GALNTL6: variants seen among roughly 807,000 people sequenced by gnomAD.
GALNTL6 encodes polypeptide N-acetylgalactosaminyltransferase-like 6.
In GALNTL6, 46 loss-of-function variants were observed where a neutral mutation model predicts 73.7. The observed-to-expected ratio is 0.62, with a 90% confidence interval of 0.49 to 0.80. The LOEUF (loss-of-function observed/expected upper bound fraction) is 0.80. Ranked by LOEUF, GALNTL6 falls within the 30% of genes least tolerant of loss-of-function variation. The pLI is 0.00. For missense variants in GALNTL6, 604 were observed against 755.0 expected (o/e 0.80, Z 2.34); for synonymous variants, 259 against 263.7 (o/e 0.98, Z 0.17).
At chr4:172,593,875 A>G (rs1473878691) in intron 5 of GALNTL6, among the ~76,000 whole-genome samples, 1 of 152,074 alleles carries the variant, frequency 6.6e-6, no homozygotes, top group Admixed American at 6.6e-5. Context: ...GATTATAGGC[A>G]TGTGCCACCA....
At chr4:171,916,330 T>A (rs1273713117) in intron 2 of GALNTL6, among the ~76,000 whole-genome samples, 3 of 152,168 alleles carry the variant, frequency 2.0e-5, no homozygotes, top group African/African-American at 7.2e-5. Flanking sequence ...GCTGCCATAT[T>A]TTTTGTTATA....
chr4:172,940,577 G>T (rs1226966578), intron 9 of GALNTL6, among the ~76,000 whole-genome samples: 1 of 151,700 alleles, frequency 6.6e-6, no homozygotes, highest in Non-Finnish European at 1.5e-5. Context: ...TGGCCAGGAT[G>T]GTCTCGATCT....
intron 10 of GALNTL6, among the ~76,000 whole-genome samples, chr4:172,961,387 G>C (rs1750048685): frequency 6.6e-6 from 1 of 152,064 alleles, no homozygotes; most frequent in Non-Finnish European, 1.5e-5. Context: ...CAGAGAAGGT[G>C]TAGAGACATG....
intron 7 of GALNTL6, among the ~76,000 whole-genome samples, chr4:172,816,952 C>T (rs1466817789): frequency 2.6e-5 from 4 of 151,750 alleles, no homozygotes; most frequent in African/African-American, 7.3e-5. Context: ...ACTAAAAATA[C>T]AACAATTAGC....
chr4:172,032,524 T>C (rs1741798894), intron 2 of GALNTL6, among the ~76,000 whole-genome samples: 1 of 152,106 alleles, frequency 6.6e-6, no homozygotes, highest in Non-Finnish European at 1.5e-5. Flanking sequence ...TCAGTAGATA[T>C]TTAATTCTTA....
chr4:172,815,138 G>A (rs145202991), intron 7 of GALNTL6, among the ~76,000 whole-genome samples: 211 of 152,280 alleles, frequency 1.4e-3, no homozygotes, highest in African/African-American at 4.4e-3. Flanking sequence ...TGACAGAGGG[G>A]CTTAAGGTGG....
At chr4:171,992,970 T>G (rs1461459166) in intron 2 of GALNTL6, among the ~76,000 whole-genome samples, 1 of 151,342 alleles carries the variant, frequency 6.6e-6, no homozygotes, top group East Asian at 1.9e-4. Context: ...CATGCTAAAT[T>G]TCTCAGAGTT....
intron 10 of GALNTL6, among the ~76,000 whole-genome samples, chr4:172,972,577 T>C (rs956051508): frequency 3.3e-5 from 5 of 152,224 alleles, no homozygotes; most frequent in African/African-American, 9.6e-5. Flanking sequence ...TAGCTCTCAA[T>C]TGTGGTCTCT....
Position 171,814,531 on chromosome 4 carries a change from G to A in GALNTL6, c.-50G>A, listed in dbSNP as rs370637265. The A allele has an allele frequency of 1.1e-5, 18 of 1,597,370 alleles. No homozygotes were observed. The highest frequency in any genetic ancestry group is 6.6e-5 in the South Asian group (6 of 90,518). ...AGGAATTTGACATTAAACACAAGAA[G>A]CAGTCAGGGAGCCATCTCCTTTAAC... On this transcript the variant is annotated 5_prime_UTR_variant, in exon 2 of 13. Transcript: ENST00000506823.
At chr4:171,833,792 G>A (rs928553017) in intron 2 of GALNTL6, among the ~76,000 whole-genome samples, 1 of 151,588 alleles carries the variant, frequency 6.6e-6, no homozygotes, top group Non-Finnish European at 1.5e-5. Context: ...TTCAAATAGG[G>A]GAATTATTTT....
intron 2 of GALNTL6, among the ~76,000 whole-genome samples, chr4:171,991,293 G>A (rs1280113407): frequency 1.3e-5 from 2 of 152,064 alleles, no homozygotes; most frequent in African/African-American, 2.4e-5. Flanking sequence ...AGGTGTTAAA[G>A]CAAGAATATA....
intron 2 of GALNTL6, among the ~76,000 whole-genome samples, chr4:171,943,845 G>T (rs332994): frequency 4.0e-5 from 6 of 151,800 alleles, no homozygotes; most frequent in Admixed American, 2.0e-4. Flanking sequence ...CCTACGGGTA[G>T]GCTTTTTTTA....
chr4:172,825,446 C>T (rs60948756), intron 7 of GALNTL6, among the ~76,000 whole-genome samples: 23,597 of 152,042 alleles, frequency 0.16, 3,586 homozygotes, highest in African/African-American at 0.38. Context: ...TTTGCCGTTT[C>T]TGTGTCTTCC....
chr4:172,458,368 A>G (rs1460611070), intron 5 of GALNTL6, among the ~76,000 whole-genome samples: 1 of 151,628 alleles, frequency 6.6e-6, no homozygotes, highest in Non-Finnish European at 1.5e-5. Context: ...AATAACTAAG[A>G]TCAGAGCAGA....
intron 3 of GALNTL6, among the ~76,000 whole-genome samples, chr4:172,298,678 T>G (rs1424089220): frequency 6.6e-6 from 1 of 152,244 alleles, no homozygotes; most frequent in Non-Finnish European, 1.5e-5. Context: ...TTTATTGATT[T>G]GCATATGTTG....
intron 2 of GALNTL6, among the ~76,000 whole-genome samples, chr4:172,093,297 C>CTGCT: frequency 6.6e-6 from 1 of 152,268 alleles, no homozygotes; most frequent in South Asian, 2.1e-4. Flanking sequence ...TTTCCCCCTA[C>CTGCT]TGCTTATAAT....
intron 2 of GALNTL6, among the ~76,000 whole-genome samples, chr4:171,822,320 AG>A (rs1734707322): frequency 6.6e-6 from 1 of 152,220 alleles, no homozygotes; most frequent in Admixed American, 6.5e-5. Context: ...AAAATTACAC[AG>A]GGTTGGCATT....
chr4:172,247,786 C>T (rs886101233), intron 3 of GALNTL6, among the ~76,000 whole-genome samples: 2 of 152,122 alleles, frequency 1.3e-5, no homozygotes, highest in African/African-American at 2.4e-5. Flanking sequence ...TTTCAACATA[C>T]ACTTAGGTTA....
intron 5 of GALNTL6, among the ~76,000 whole-genome samples, chr4:172,780,032 G>A (rs149944172): frequency 1.4e-4 from 22 of 151,830 alleles, no homozygotes; most frequent in African/African-American, 5.1e-4. Flanking sequence ...GCAAAATTAG[G>A]CATCACCTTA....
Sources: allele counts gnomAD v4.1 joint callset (sites outside exome capture counted in the v4.1 genomes callset), GRCh38; gene constraint gnomAD v4.1.1; transcripts MANE v1.5; gene names NCBI Gene and HGNC (gene_info 2026-07-23, HGNC 2026-07-21).